The following NTN1 variants were observed in gnomAD, a reference collection of about 807,000 sequenced individuals.
The protein encoded by NTN1 is netrin 1.
NTN1 carries 11 observed loss-of-function variants against 54.2 expected under a neutral mutation model. The ratio of observed to expected loss-of-function variants is 0.20; its 90% CI spans 0.13 to 0.34. The LOEUF is 0.34. Among genes scored for constraint, NTN1 ranks in the 10% least tolerant of loss-of-function variants. NTN1 has a pLI of 1.00. For missense variants in NTN1, 740 were observed against 893.1 expected (o/e 0.83, Z 2.18); for synonymous variants, 371 against 382.0 (o/e 0.97, Z 0.33).
At chr17:9,216,505 C>T (rs1288203193) in intron 5 of NTN1, among the ~76,000 whole-genome samples, 1 of 152,110 alleles carries the variant, frequency 6.6e-6, no homozygotes, top group Non-Finnish European at 1.5e-5. Context: ...TTATGGTCCC[C>T]TATGCCTAAA....
chr17:9,184,645 A>C (rs1489189220), intron 5 of NTN1, among the ~76,000 whole-genome samples: 1 of 152,160 alleles, frequency 6.6e-6, no homozygotes, highest in Non-Finnish European at 1.5e-5. Context: ...TCAATGATCT[A>C]TCTCTCCATC....
At chr17:9,226,492 G>A (rs189878279) in intron 6 of NTN1, among the ~76,000 whole-genome samples, 6 of 31,288 alleles carry the variant, frequency 1.9e-4, no homozygotes, top group South Asian at 1.1e-3. Context: ...AGGCGGTCTC[G>A]TGGGGAGGTG....
In NTN1 at chr17:9,239,431, T is replaced by A. The variant is rs1019155699; in HGVS notation, c.1487-209T>A. Among the ~76,000 whole-genome samples, 1 of 152,120 alleles carries A rather than the reference T, an allele frequency of 6.6e-6. No individual in the cohort carries two copies. The highest frequency in any genetic ancestry group is 1.5e-5 in the Non-Finnish European group (1 of 68,000). On this transcript the variant is annotated intron_variant, in intron 6 of 6. Coordinates refer to ENST00000173229, the MANE Select transcript of NTN1 (RefSeq NM_004822.3). The surrounding 1 kb of genome is among the most constrained non-coding windows in gnomAD (Gnocchi z 5.2). ...CCGACGGCAGTGCTGGGTGGCACCC[T>A]CACAGCGTGGGAGGCAAGGCTTCTT... is the stretch of plus-strand genomic sequence containing the variant.
intron 2 of NTN1, among the ~76,000 whole-genome samples, chr17:9,111,730 TAAAC>T (rs1473939055): frequency 4.6e-5 from 7 of 152,136 alleles, no homozygotes; most frequent in South Asian, 2.1e-4. Context: ...TACAATAAAG[TAAAC>T]TAGAGAAAAG....
At chr17:9,190,084 G>C (rs369781984) in intron 5 of NTN1, among the ~76,000 whole-genome samples, 4 of 152,182 alleles carry the variant, frequency 2.6e-5, no homozygotes, top group African/African-American at 9.7e-5. Context: ...ACGTACAAAG[G>C]TCAGCATGGC....
rs918720598 is a variant in NTN1 at position 9,088,586 on chromosome 17, T to C, written c.1018+65195T>C. Reference sequence around the variant, plus strand: ...GGCTCTGAGTCCCACCTCCACCCGCTCCTGGGTGGGTTGTTCATTTGAGGA... The same window carrying C: ...GGCTCTGAGTCCCACCTCCACCCGCCCCTGGGTGGGTTGTTCATTTGAGGA... On this transcript the variant is annotated intron_variant, in intron 2 of 6. Coordinates refer to ENST00000173229, the MANE Select transcript of NTN1 (RefSeq NM_004822.3). Among the ~76,000 whole-genome samples, 4 of 152,126 alleles carry C rather than the reference T, an allele frequency of 2.6e-5. No homozygotes were observed. In the East Asian group the frequency reaches 7.7e-4, roughly 29 times the overall value.
intron 2 of NTN1, among the ~76,000 whole-genome samples, chr17:9,042,710 C>A (rs1319389951): frequency 6.6e-6 from 1 of 151,806 alleles, no homozygotes; most frequent in Non-Finnish European, 1.5e-5. Flanking sequence ...TCACTTGAAC[C>A]CAGGAGGCAG....
At chr17:9,178,348 C>T (rs1192022119) in intron 3 of NTN1, among the ~76,000 whole-genome samples, 3 of 152,206 alleles carry the variant, frequency 2.0e-5, no homozygotes, top group African/African-American at 4.8e-5. Context: ...GATGGGGGCA[C>T]CCCCAGCCCT....
intron 2 of NTN1, among the ~76,000 whole-genome samples, chr17:9,136,927 C>T (rs1254113263): frequency 1.3e-5 from 2 of 152,178 alleles, no homozygotes; most frequent in Admixed American, 6.5e-5. Flanking sequence ...TGACAGTCAG[C>T]CCCCATCACT....
chr17:9,101,524 G>T (rs2092150228), intron 2 of NTN1, among the ~76,000 whole-genome samples: 1 of 152,346 alleles, frequency 6.6e-6, no homozygotes, highest in African/African-American at 2.4e-5. Context: ...TTGGGACCCT[G>T]TTATGAGCAA....
At chr17:9,089,733 C>T (rs1043074907) in intron 2 of NTN1, among the ~76,000 whole-genome samples, 4 of 152,144 alleles carry the variant, frequency 2.6e-5, no homozygotes, top group South Asian at 2.1e-4. Flanking sequence ...CCAAACACCA[C>T]GGCACTGGAG....
At chr17:9,071,082 A>G (rs1333715302) in intron 2 of NTN1, among the ~76,000 whole-genome samples, 2 of 151,950 alleles carry the variant, frequency 1.3e-5, no homozygotes, top group East Asian at 1.9e-4. Flanking sequence ...CGCAGACCTC[A>G]CTTCCTCCAA....
intron 2 of NTN1, among the ~76,000 whole-genome samples, chr17:9,145,998 G>A (rs774344388): frequency 3.9e-5 from 6 of 152,054 alleles, no homozygotes; most frequent in Non-Finnish European, 4.4e-5. Context: ...AAGCCTCTGC[G>A]GGCTGGAAGA....
At chr17:9,216,250 C>T (rs1905215032) in intron 5 of NTN1, among the ~76,000 whole-genome samples, 1 of 152,266 alleles carries the variant, frequency 6.6e-6, no homozygotes, top group Non-Finnish European at 1.5e-5. Flanking sequence ...AGAGCACACC[C>T]AGCCCTTCTG....
chr17:9,041,234 A>G (rs1029051401), intron 2 of NTN1, among the ~76,000 whole-genome samples: 8 of 152,224 alleles, frequency 5.3e-5, no homozygotes, highest in Non-Finnish European at 5.9e-5. Flanking sequence ...CAATTCACCC[A>G]TGGAAAGTGG....
chr17:9,144,577 A>T (rs1367047421), intron 2 of NTN1, among the ~76,000 whole-genome samples: 1 of 152,112 alleles, frequency 6.6e-6, no homozygotes, highest in African/African-American at 2.4e-5. Flanking sequence ...TGAGTGTTTT[A>T]TGGGCCTTAT....
chr17:9,037,582 A>T (rs142903446), intron 2 of NTN1, among the ~76,000 whole-genome samples: 1 of 152,304 alleles, frequency 6.6e-6, no homozygotes, highest in Admixed American at 6.5e-5. Context: ...TCAAATGAGG[A>T]GTATGTACTT....
chr17:9,098,877 A>T (rs922683915), intron 2 of NTN1, among the ~76,000 whole-genome samples: 5 of 152,232 alleles, frequency 3.3e-5, no homozygotes, highest in African/African-American at 1.2e-4. Context: ...TTAGAAATTT[A>T]AGAAAATATA....
At chr17:9,085,151 C>G (rs1276608012) in intron 2 of NTN1, among the ~76,000 whole-genome samples, 4 of 152,232 alleles carry the variant, frequency 2.6e-5, no homozygotes, top group Non-Finnish European at 5.9e-5. Context: ...GTGGATACCT[C>G]TTTCCCTCAC....
Sources: gnomAD v4.1 joint callset for allele counts (sites outside exome capture counted in the v4.1 genomes callset) on GRCh38, gnomAD v4.1.1 for gene constraint, Gnocchi (gnomAD v3.1) non-coding constraint, MANE v1.5 for transcripts, NCBI Gene and HGNC (gene_info 2026-07-23, HGNC 2026-07-21) for gene names.